Variants in BSN observed in about 807,000 individuals in gnomAD.
BSN encodes the protein bassoon presynaptic cytomatrix protein, also known as protein bassoon.
A neutral mutation model predicts 264.8 loss-of-function variants in BSN; 57 were observed. That is an observed-to-expected ratio of 0.22 (90% CI 0.17 to 0.27). The LOEUF (loss-of-function observed/expected upper bound fraction) is 0.27, where lower values mean the gene tolerates loss of function less well. BSN is among the 10% of genes least tolerant of loss of function. The pLI is 1.00. For missense variants in BSN, 4,615 were observed against 5,232.5 expected, an observed-to-expected ratio of 0.88 and a Z score of 3.64; for synonymous variants, 2,059 against 2,137.3, an observed-to-expected ratio of 0.96 and a Z score of 1.01.
chr3:49,637,374 A>C (rs2052427780), intron 2 of BSN, among the ~76,000 whole-genome samples: 1 of 152,146 alleles, frequency 6.6e-6, no homozygotes, highest in Non-Finnish European at 1.5e-5. Flanking sequence ...CAGATATGGC[A>C]AGCAAGGCTG....
intron 1 of BSN, among the ~76,000 whole-genome samples, chr3:49,576,749 C>A (rs547690831): frequency 6.6e-6 from 1 of 152,296 alleles, no homozygotes; most frequent in Non-Finnish European, 1.5e-5. Context: ...ACCCTCATAT[C>A]TGGGCAGTCT....
chr3:49,654,162 A>G lies in BSN; in HGVS notation c.4606A>G (p.Thr1536Ala). The G allele has an allele frequency of 6.2e-7, 1 of 1,613,960 alleles. No homozygotes were observed. Among genetic ancestry groups the G allele is most frequent in the Non-Finnish European group, 8.5e-7 (1 of 1,179,994 alleles). ...PSPMVAQGTQ[T>A]PHRPSTPRLV... Reference sequence around the variant, plus strand: ...ACCTATGGTAGCCCAGGGTACACAAACACCACATCGACCCAGCACGCCTCG... The same window carrying G: ...ACCTATGGTAGCCCAGGGTACACAAGCACCACATCGACCCAGCACGCCTCG... Residue 1536 changes from threonine (T) to alanine (A), a missense_variant, in exon 5 of 12, where the codon ACA (threonine) becomes GCA (alanine). Physicochemically the swap from Thr to Ala is moderately conservative, Grantham distance 58. Coordinates refer to ENST00000296452, the MANE Select transcript of BSN (RefSeq NM_003458.4). The surrounding 1 kb of genome is among the most constrained non-coding windows in gnomAD (Gnocchi z 4.1).
At chr3:49,631,648 A>G (rs1206376708) in intron 2 of BSN, among the ~76,000 whole-genome samples, 1 of 152,046 alleles carries the variant, frequency 6.6e-6, no homozygotes, top group African/African-American at 2.4e-5. Flanking sequence ...GGCAGTTGGA[A>G]AAAGAGGAGG....
In BSN at chr3:49,662,932, T is replaced by C. The variant is rs199915677; in HGVS notation, c.10774T>C (p.Ser3592Pro). ...DWFDKPRDAR[S>P]DRFRHHGGHA... is the part of the protein sequence containing the mutation. ...GTTTGATAAGCCCCGGGATGCCCGC[T>C]CTGACCGGTTCAGGCACCACGGGGG... Residue 3592 changes from serine (S) to proline (P), a missense_variant, in exon 7 of 12, where the codon TCT (serine) becomes CCT (proline). Ser to Pro is a moderately conservative substitution (Grantham distance 74, BLOSUM62 -1). Coordinates refer to ENST00000296452, the MANE Select transcript of BSN (RefSeq NM_003458.4). 2 of 1,613,396 alleles carry C rather than the reference T, an allele frequency of 1.2e-6. No homozygotes were observed. The highest frequency in any genetic ancestry group is 3.3e-5 in the Admixed American group (2 of 59,918).
At chr3:49,664,032 C>G in intron 8 of BSN, 146 bp downstream of exon 8, 1 of 798,498 alleles carries the variant, frequency 1.3e-6, no homozygotes, top group Non-Finnish European at 2.0e-6. Context: ...ACCTCCCCAG[C>G]AGAAAACAAG....
At position 49,656,836 on chromosome 3, in the gene BSN, T is replaced by TGCA; in HGVS notation, c.7290_7292dup (p.Gln2431dup). On this transcript the variant is annotated inframe_insertion, in exon 5 of 12. Coordinates refer to ENST00000296452, the MANE Select transcript of BSN (RefSeq NM_003458.4). ...CTGCAGACCATCAAGCACCATGTGC[T>TGCA]GCAGCAGCAGCAAGAGGAACGCCAG... The TGCA allele has an allele frequency of 6.2e-6, 10 of 1,600,922 alleles. No homozygotes were observed. Among genetic ancestry groups the TGCA allele is most frequent in the Non-Finnish European group, 8.5e-6 (10 of 1,174,428 alleles).
At chr3:49,587,548 T>A (rs1050731766) in intron 1 of BSN, among the ~76,000 whole-genome samples, 1 of 152,294 alleles carries the variant, frequency 6.6e-6, no homozygotes, top group African/African-American at 2.4e-5. Flanking sequence ...AAGCATAGAT[T>A]TATTGAAATG....
At chr3:49,570,679 T>C (rs995530728) in intron 1 of BSN, among the ~76,000 whole-genome samples, 1 of 152,096 alleles carries the variant, frequency 6.6e-6, no homozygotes, top group African/African-American at 2.4e-5. Context: ...CCCTGAGTGT[T>C]GAGTGAGGAA....
intron 1 of BSN, among the ~76,000 whole-genome samples, chr3:49,608,700 C>T (rs1381422589): frequency 2.6e-5 from 4 of 151,974 alleles, no homozygotes; most frequent in Non-Finnish European, 4.4e-5. Flanking sequence ...TGGTGGCAGG[C>T]GCCTGTAATC....
At position 49,625,482 on chromosome 3, in the gene BSN, A is replaced by C; in HGVS notation, c.633+99A>C. The C allele has an allele frequency of 8.2e-7, 1 of 1,213,442 alleles. No individual in the cohort carries two copies. Among genetic ancestry groups the C allele is most frequent in the South Asian group, 2.1e-5 (1 of 48,190 alleles). 75.2% of individuals were successfully genotyped at this position (1,213,442 alleles called of 1,614,324 possible). A position where few individuals can be genotyped will look rare whatever the true frequency, so the allele number is the denominator to read the frequency against. ...TTTCACCAACTCTCTTTTCCTGGTC[A>C]TTTCCCTTGACCACCAGCATTTGTG... On this transcript the variant is annotated intron_variant, in intron 2 of 11. Coordinates refer to ENST00000296452, the MANE Select transcript of BSN (RefSeq NM_003458.4). The surrounding 1 kb of genome is among the most constrained non-coding windows in gnomAD (Gnocchi z 4.4).
intron 2 of BSN, among the ~76,000 whole-genome samples, chr3:49,630,382 T>C (rs1575442292): frequency 1.3e-5 from 2 of 152,342 alleles, no homozygotes; most frequent in East Asian, 3.9e-4. Flanking sequence ...AGCTAGTCCT[T>C]GGGCAGTTTG....
chr3:49,653,141 T>C lies in BSN; in HGVS notation c.3585T>C (p.Ala1195=), dbSNP rs1355945018. The change falls in exon 5 of 12, where the codon GCT becomes GCC. Residue 1195 remains alanine, a synonymous_variant. Transcript: ENST00000296452. This position sits in a 1 kb window ranked among gnomAD's most constrained non-coding sequence, Gnocchi z 6.3. The stretch of plus-strand genomic sequence containing the variant: ...CTTATGAGGAGATGATGCGCAAAGC[T>C]GAGCTGCTCCAGAGGCAGCAAGGCC... ...EEAYEEMMRK[A]ELLQRQQGQA... 1.9e-6 allele frequency: 3 copies of C among 1,613,108 alleles called. No individual in the cohort carries two copies. The highest frequency in any genetic ancestry group is 2.5e-6 in the Non-Finnish European group (3 of 1,179,902).
chr3:49,614,295 G>A (rs1376809925), intron 1 of BSN, among the ~76,000 whole-genome samples: 6 of 151,974 alleles, frequency 3.9e-5, no homozygotes, highest in African/African-American at 1.5e-4. Flanking sequence ...TCCTGACCTC[G>A]TGATCCACCC....
chr3:49,573,908 C>T (rs1013629622), intron 1 of BSN, among the ~76,000 whole-genome samples: 3 of 151,992 alleles, frequency 2.0e-5, no homozygotes, highest in Non-Finnish European at 2.9e-5. Context: ...CCGCCCGCCT[C>T]GGCCTCCCAA....
At chr3:49,622,911 A>G (rs189943180) in intron 1 of BSN, among the ~76,000 whole-genome samples, 56 of 152,310 alleles carry the variant, frequency 3.7e-4, no homozygotes, top group African/African-American at 1.2e-3. Context: ...TGAAGAAGCA[A>G]TTGGCGGGTC....
intron 1 of BSN, among the ~76,000 whole-genome samples, chr3:49,600,237 T>C (rs1023828483): frequency 2.0e-5 from 3 of 152,108 alleles, no homozygotes; most frequent in Non-Finnish European, 4.4e-5. Context: ...GCCTTGAGCC[T>C]GGGCCTGGGG....
chr3:49,596,187 G>A (rs374198486), intron 1 of BSN, among the ~76,000 whole-genome samples: 3 of 151,948 alleles, frequency 2.0e-5, no homozygotes, highest in Admixed American at 6.6e-5. Context: ...GGTGGATCAC[G>A]AGGTCAGGAG....
At chr3:49,620,960 T>C (rs1301441863) in intron 1 of BSN, among the ~76,000 whole-genome samples, 1 of 152,130 alleles carries the variant, frequency 6.6e-6, no homozygotes, top group Admixed American at 6.5e-5. Flanking sequence ...AAAAGACTTA[T>C]CCTGGCAACT....
intron 1 of BSN, among the ~76,000 whole-genome samples, chr3:49,570,352 C>G (rs1006945592): frequency 6.6e-6 from 1 of 152,182 alleles, no homozygotes; most frequent in African/African-American, 2.4e-5. Context: ...CCAACAGACC[C>G]GGTTTGCCAC....
Sources: allele counts gnomAD v4.1 joint callset (sites outside exome capture counted in the v4.1 genomes callset), GRCh38; gene constraint gnomAD v4.1.1; non-coding constraint Gnocchi (gnomAD v3.1); transcripts MANE v1.5; gene names NCBI Gene and HGNC (gene_info 2026-07-23, HGNC 2026-07-21).